Variants in EBF1 observed in about 807,000 individuals in gnomAD.
EBF1 encodes the protein EBF transcription factor 1.
Under a neutral mutation model 68.4 loss-of-function variants are expected in EBF1, and 10 were observed. That is an observed-to-expected ratio of 0.15 (90% CI 0.09 to 0.25). The LOEUF is 0.25. Among genes scored for constraint, EBF1 ranks in the 10% least tolerant of loss-of-function variants. The pLI is 1.00. For synonymous variants in EBF1, 298 were observed against 299.8 expected (o/e 0.99, Z 0.06); for missense variants, 509 against 794.4 (o/e 0.64, Z 4.32).
chr5:159,098,343 G>C (rs144512619), intron 1 of EBF1, among the ~76,000 whole-genome samples: 1 of 152,344 alleles, frequency 6.6e-6, no homozygotes, highest in African/African-American at 2.4e-5. Context: ...CTGCGAGTGA[G>C]AGAAGGGCTG....
At chr5:158,776,103 T>C (rs1250927906) in intron 10 of EBF1, among the ~76,000 whole-genome samples, 2 of 152,158 alleles carry the variant, frequency 1.3e-5, no homozygotes, top group African/African-American at 2.4e-5. Context: ...TTGAACTCAG[T>C]GTGAAACCTT....
At chr5:158,976,241 A>T (rs1756717387) in intron 6 of EBF1, among the ~76,000 whole-genome samples, 1 of 152,210 alleles carries the variant, frequency 6.6e-6, no homozygotes. Flanking sequence ...AAGGGCTCCC[A>T]AGCCTCTTGA....
intron 6 of EBF1, among the ~76,000 whole-genome samples, chr5:158,942,356 C>G (rs1813603837): frequency 6.6e-6 from 1 of 152,232 alleles, no homozygotes; most frequent in South Asian, 2.1e-4. Flanking sequence ...CTAGTTCTAT[C>G]ACTGACTCAT....
chr5:159,084,456 G>A (rs760140877), intron 5 of EBF1, among the ~76,000 whole-genome samples: 8 of 151,894 alleles, frequency 5.3e-5, no homozygotes, highest in Admixed American at 2.0e-4. Flanking sequence ...TATGTCTTTC[G>A]GGATGAAATC....
chr5:159,028,987 C>T (rs1475142954), intron 6 of EBF1, among the ~76,000 whole-genome samples: 2 of 152,110 alleles, frequency 1.3e-5, no homozygotes, highest in African/African-American at 2.4e-5. Flanking sequence ...ATCAATCATA[C>T]GTGTTTCACA....
chr5:158,779,948 T>C (rs971536807), intron 9 of EBF1, among the ~76,000 whole-genome samples: 1 of 152,184 alleles, frequency 6.6e-6, no homozygotes, highest in Non-Finnish European at 1.5e-5. Flanking sequence ...AGATTCCTTC[T>C]AAACAACAAT....
chr5:158,955,519 G>C (rs1816882983), intron 6 of EBF1, among the ~76,000 whole-genome samples: 2 of 152,180 alleles, frequency 1.3e-5, no homozygotes, highest in Non-Finnish European at 2.9e-5. Context: ...ACAGGGGCCA[G>C]AGTGAGACCT....
intron 9 of EBF1, among the ~76,000 whole-genome samples, chr5:158,795,416 T>C (rs1779437733): frequency 6.6e-6 from 1 of 152,162 alleles, no homozygotes; most frequent in African/African-American, 2.4e-5. Flanking sequence ...GGTGAGATGA[T>C]CTACCTCAAG....
intron 6 of EBF1, among the ~76,000 whole-genome samples, chr5:158,915,967 T>C (rs1807104373): frequency 6.6e-6 from 1 of 152,176 alleles, no homozygotes; most frequent in Admixed American, 6.5e-5. Context: ...CTGGTTTTAC[T>C]GATTCGCAAT....
chr5:158,878,015 T>A (rs565462290), intron 6 of EBF1, among the ~76,000 whole-genome samples: 5 of 151,750 alleles, frequency 3.3e-5, no homozygotes, highest in Non-Finnish European at 7.4e-5. Flanking sequence ...TGCAACTCTG[T>A]CAGGTGCTCA....
intron 15 of EBF1, among the ~76,000 whole-genome samples, chr5:158,703,573 T>C (rs1327257916): frequency 7.1e-6 from 1 of 139,996 alleles, no homozygotes; most frequent in African/African-American, 2.7e-5. Flanking sequence ...TTTGTGAGGC[T>C]CCAGAAGTTG....
intron 6 of EBF1, among the ~76,000 whole-genome samples, chr5:158,993,330 G>A (rs1262936373): frequency 3.9e-5 from 6 of 152,162 alleles, no homozygotes; most frequent in African/African-American, 1.4e-4. Context: ...TTACAGGCAT[G>A]AGCCACCATG....
intron 9 of EBF1, among the ~76,000 whole-genome samples, chr5:158,779,602 A>G (rs1209105818): frequency 6.6e-6 from 1 of 152,204 alleles, no homozygotes; most frequent in Non-Finnish European, 1.5e-5. Context: ...GATATAGAGT[A>G]CCATTAACTC....
At chr5:158,756,874 C>T (rs1219782567) in intron 10 of EBF1, among the ~76,000 whole-genome samples, 3 of 151,084 alleles carry the variant, frequency 2.0e-5, no homozygotes, top group African/African-American at 4.9e-5. Context: ...AATGTGGACA[C>T]GTGGGCACTA....
intron 6 of EBF1, among the ~76,000 whole-genome samples, chr5:159,061,853 GA>G (rs897194846): frequency 5.2e-4 from 79 of 151,160 alleles, no homozygotes; most frequent in African/African-American, 1.8e-3. Flanking sequence ...ATAATATTAA[GA>G]AAAAAAAGAG....
chr5:158,763,844 G>T (rs1261991198), intron 10 of EBF1, among the ~76,000 whole-genome samples: 11 of 152,268 alleles, frequency 7.2e-5, no homozygotes, highest in Admixed American at 7.2e-4. Context: ...AATACATCCT[G>T]TGTTGGTTTG....
At chr5:158,794,539 A>C (rs981785813) in intron 9 of EBF1, among the ~76,000 whole-genome samples, 5 of 152,166 alleles carry the variant, frequency 3.3e-5, no homozygotes, top group African/African-American at 1.2e-4. Context: ...TGGGTTAAGA[A>C]GGCACAAGGT....
intron 6 of EBF1, among the ~76,000 whole-genome samples, chr5:158,968,910 G>T (rs1219180713): frequency 3.3e-5 from 5 of 152,058 alleles, no homozygotes; most frequent in African/African-American, 1.2e-4. Flanking sequence ...TCCCAGCCCA[G>T]AAAAAGTAAG....
chr5:159,011,130 T>A (rs1404255398), intron 6 of EBF1, among the ~76,000 whole-genome samples: 1 of 152,338 alleles, frequency 6.6e-6, no homozygotes, highest in East Asian at 1.9e-4. Flanking sequence ...CGCCTAACTT[T>A]ATTTCACATC....
Sources: allele counts gnomAD v4.1 joint callset (sites outside exome capture counted in the v4.1 genomes callset), GRCh38; gene constraint gnomAD v4.1.1; transcripts MANE v1.5; gene names NCBI Gene and HGNC (gene_info 2026-07-23, HGNC 2026-07-21).